The following MSI2 variants were observed in gnomAD, a reference collection of about 807,000 sequenced individuals.
The protein encoded by MSI2 is RNA-binding protein Musashi homolog 2.
A neutral mutation model predicts 45.6 loss-of-function variants in MSI2; 17 were observed. The ratio of observed to expected loss-of-function variants is 0.37; its 90% confidence interval spans 0.26 to 0.56. The LOEUF (loss-of-function observed/expected upper bound fraction) is 0.56. MSI2 is among the 20% of genes least tolerant of loss of function. The pLI is 0.77. For synonymous variants in MSI2, 156 were observed against 158.2 expected (o/e 0.99, Z 0.11); for missense variants, 293 against 444.2 (o/e 0.66, Z 3.06).
intron 8 of MSI2, among the ~76,000 whole-genome samples, chr17:57,600,308 G>A (rs1905723807): frequency 6.6e-6 from 1 of 152,232 alleles, no homozygotes; most frequent in African/African-American, 2.4e-5. Context: ...GGAAGTGGCA[G>A]ATAGCTGCAC....
At chr17:57,563,614 A>G (rs541163868) in intron 7 of MSI2, among the ~76,000 whole-genome samples, 1 of 152,268 alleles carries the variant, frequency 6.6e-6, no homozygotes, top group Admixed American at 6.5e-5. Flanking sequence ...AGTAATCTCC[A>G]GTCCTTCCTA....
intron 6 of MSI2, among the ~76,000 whole-genome samples, chr17:57,429,260 T>C (rs2197252): frequency 0.92 from 139,827 of 152,186 alleles, 64,697 homozygotes; most frequent in Non-Finnish European, 0.97. Flanking sequence ...CTCTAAGGTG[T>C]CTGGGAGAGA....
chr17:57,638,002 A>G (rs1909967800), intron 10 of MSI2, among the ~76,000 whole-genome samples: 1 of 152,246 alleles, frequency 6.6e-6, no homozygotes, highest in Non-Finnish European at 1.5e-5. Context: ...CAAGCCCTTC[A>G]GTTTTCATTT....
chr17:57,534,903 C>A (rs1460846814), intron 7 of MSI2, among the ~76,000 whole-genome samples: 3 of 152,176 alleles, frequency 2.0e-5, no homozygotes, highest in Non-Finnish European at 2.9e-5. Flanking sequence ...GGCTGATCGT[C>A]AATGGATTTA....
At chr17:57,474,991 G>A (rs1476493300) in intron 6 of MSI2, among the ~76,000 whole-genome samples, 4 of 152,144 alleles carry the variant, frequency 2.6e-5, no homozygotes, top group Non-Finnish European at 5.9e-5. Context: ...CAAAGTGCTG[G>A]GATTACAGGG....
intron 6 of MSI2, among the ~76,000 whole-genome samples, chr17:57,470,303 A>C (rs1041611389): frequency 6.6e-6 from 1 of 152,040 alleles, no homozygotes; most frequent in Non-Finnish European, 1.5e-5. Context: ...TTTGAGATGG[A>C]GTCTTGCTCT....
At chr17:57,609,122 C>T (rs1436374142) in intron 8 of MSI2, among the ~76,000 whole-genome samples, 1 of 152,170 alleles carries the variant, frequency 6.6e-6, no homozygotes, top group Non-Finnish European at 1.5e-5. Flanking sequence ...TTCACCATCT[C>T]CCTGGGCAGG....
In MSI2 at chr17:57,280,195, G is replaced by A. The variant is rs773203642; in HGVS notation, c.312+18003G>A. ...GGGGGACAGGCGAGGTCACACTTGC[G>A]TTGGCGGGGATAAAAATTCTTATCT... On this transcript the variant is annotated intron_variant, in intron 5 of 13. Transcript: ENST00000284073. The surrounding 1 kb of genome is among the most constrained non-coding windows in gnomAD (Gnocchi z 4.2). 5.3e-5 allele frequency among the ~76,000 whole-genome samples: 8 copies of A among 152,066 alleles called. No homozygotes were observed. Among genetic ancestry groups the A allele is most frequent in the South Asian group, 2.1e-4 (1 of 4,818 alleles).
the MSI2 span, among the ~76,000 whole-genome samples, chr17:57,697,139 G>A: frequency 7.0e-4 from 11 of 15,720 alleles, no homozygotes; most frequent in African/African-American, 2.3e-3. Context: ...ATCCTCGCCA[G>A]CAGGACACAC....
intron 13 of MSI2, 119 bp downstream of exon 13, chr17:57,677,178 T>C (rs1913292086): frequency 7.0e-6 from 5 of 715,566 alleles, no homozygotes; most frequent in African/African-American, 1.7e-5. Flanking sequence ...TCTCTCCTCT[T>C]TCTGGACCCC....
chr17:57,303,984 G>A (rs1911641614), intron 5 of MSI2, among the ~76,000 whole-genome samples: 1 of 152,170 alleles, frequency 6.6e-6, no homozygotes, highest in South Asian at 2.1e-4. Context: ...AGGAGGGAAG[G>A]GAGTCTTGGA....
chr17:57,274,280 A>G (rs1278245930), intron 5 of MSI2: 5 of 152,190 alleles, frequency 3.3e-5, no homozygotes. Flanking sequence ...GTTCTAGCTG[A>G]GCGTTTAAGA....
chr17:57,639,570 C>T (rs1002648433), intron 10 of MSI2, among the ~76,000 whole-genome samples: 9 of 152,262 alleles, frequency 5.9e-5, no homozygotes, highest in African/African-American at 9.6e-5. Flanking sequence ...CCCCAGTGGG[C>T]TCTGGATGCC....
chr17:57,394,482 C>T (rs1567798718), intron 5 of MSI2, among the ~76,000 whole-genome samples: 1 of 152,216 alleles, frequency 6.6e-6, no homozygotes, highest in Non-Finnish European at 1.5e-5. Context: ...GGCAGGGAAG[C>T]AGACACACCA....
intron 6 of MSI2, among the ~76,000 whole-genome samples, chr17:57,509,900 A>G (rs1455498591): frequency 6.6e-6 from 1 of 152,000 alleles, no homozygotes; most frequent in Non-Finnish European, 1.5e-5. Context: ...TTTTGGCCAA[A>G]TGGCAGTTTC....
chr17:57,607,273 G>A (rs1446628509), intron 8 of MSI2, among the ~76,000 whole-genome samples: 2 of 152,224 alleles, frequency 1.3e-5, no homozygotes, highest in Non-Finnish European at 2.9e-5. Flanking sequence ...CCTGAGTCAA[G>A]ATTATAAATC....
chr17:57,477,560 G>A lies in MSI2; in HGVS notation c.406-52116G>A, dbSNP rs780049910. Among the ~76,000 whole-genome samples the A allele has an allele frequency of 4.6e-5, 7 of 152,168 alleles. No homozygotes were observed. The East Asian group carries it at 1.3e-3, about 29-fold the overall frequency. ...TGTCTGCAGGGGAAAATGAGAATGG[G>A]CCCTCACCCCCTAGCCCTGCAAAGA... is the stretch of plus-strand genomic sequence containing the variant. On this transcript the variant is annotated intron_variant, in intron 6 of 13. Coordinates refer to ENST00000284073, the MANE Select transcript of MSI2 (RefSeq NM_138962.4).
At chr17:57,454,817 C>T (rs888645908) in intron 6 of MSI2, among the ~76,000 whole-genome samples, 2 of 152,166 alleles carry the variant, frequency 1.3e-5, no homozygotes, top group African/African-American at 4.8e-5. Context: ...GTCCATGTGG[C>T]GCTTGAGCTC....
chr17:57,364,316 T>C (rs947169773), intron 5 of MSI2, among the ~76,000 whole-genome samples: 1 of 152,166 alleles, frequency 6.6e-6, no homozygotes, highest in African/African-American at 2.4e-5. Context: ...AGGCTTTGAA[T>C]AAAATAAAAT....
Sources: gnomAD v4.1 joint callset for allele counts (sites outside exome capture counted in the v4.1 genomes callset) on GRCh38, gnomAD v4.1.1 for gene constraint, Gnocchi (gnomAD v3.1) non-coding constraint, MANE v1.5 for transcripts, NCBI Gene and HGNC (gene_info 2026-07-23, HGNC 2026-07-21) for gene names.